ADCY6: variants seen among roughly 807,000 people sequenced by gnomAD.
ADCY6 encodes adenylate cyclase 6, also known as adenylate cyclase type 6.
In ADCY6, 59 loss-of-function variants were observed where a neutral mutation model predicts 111.6. The ratio of observed to expected loss-of-function variants is 0.53; its 90% CI spans 0.43 to 0.66. The LOEUF (loss-of-function observed/expected upper bound fraction) is 0.66, where lower values mean the gene tolerates loss of function less well. Among genes scored for constraint, ADCY6 ranks in the 30% least tolerant of loss-of-function variants. The probability of loss-of-function intolerance (pLI) is 0.00; values close to 1 mark genes in which losing one functional copy is unlikely to be tolerated. For synonymous variants in ADCY6, 576 were observed against 642.9 expected (o/e 0.90, Z 1.57); for missense variants, 1,242 against 1,595.6 (o/e 0.78, Z 3.78).
rs1026636064 is a variant in ADCY6, at chr12:48,779,721, G to A, written c.865-1464C>T. Among the ~76,000 whole-genome samples, 5 of 152,348 alleles carry A rather than the reference G, an allele frequency of 3.3e-5. No individual in the cohort carries two copies. In the South Asian group the frequency reaches 8.3e-4, roughly 25 times the overall value. ...ACCTGGAGCTTGCGGCTCCACCCCA[G>A]AGTTGGATGGGGCAGGGCTCTGGTT... On this transcript the variant is annotated intron_variant, in intron 2 of 21. Coordinates refer to ENST00000357869, the MANE Select transcript of ADCY6 (RefSeq NM_015270.5).
rs1281566095 is a variant in ADCY6 at position 48,782,668 on chromosome 12, C to T, written c.767G>A (p.Arg256His). ...GCCGCTGAGGACGGCAGCCCGCATG[C>T]GGATGGGGAGGAGCGTGTAGGCGAT... ...VYIAYTLLPIRMRAAVLSGLG... is the reference protein window; with the variant it reads ...VYIAYTLLPIHMRAAVLSGLG... The change falls in exon 2 of 22, where the codon CGC becomes CAC. Residue 256 changes from arginine to histidine, a missense_variant. Physicochemically the swap from Arg to His is conservative, Grantham distance 29 (BLOSUM62 0). This residue lies in a region of ADCY6 where 362 missense variants were observed against 377.2 expected (regional missense o/e 0.96). Transcript: ENST00000357869. The surrounding 1 kb of genome is among the most constrained non-coding windows in gnomAD (Gnocchi z 4.3). 4.4e-6 allele frequency: 7 copies of T among 1,598,350 alleles called. No homozygotes were observed. The highest frequency in any genetic ancestry group is 2.3e-5 in the East Asian group (1 of 44,336).
chr12:48,769,542 T>C (rs568025202), intron 20 of ADCY6, among the ~76,000 whole-genome samples: 1 of 151,712 alleles, frequency 6.6e-6, no homozygotes, highest in South Asian at 2.1e-4. Context: ...GCCTATTCCA[T>C]GTCAACCACT....
chr12:48,774,177 A>C, intron 14 of ADCY6, 79 bp from the exon 15 acceptor site: 1 of 1,385,878 alleles, frequency 7.2e-7, no homozygotes, highest in Non-Finnish European at 9.9e-7. Flanking sequence ...ATGTACCCTA[A>C]CCTGGGCTAT....
rs1941440451 is a variant in ADCY6, at chr12:48,768,704, G to A, written c.3394C>T (p.Leu1132=). 2 of 1,614,078 alleles carry A rather than the reference G, an allele frequency of 1.2e-6. No homozygotes were observed. The highest frequency in any genetic ancestry group is 1.3e-5 in the African/African-American group (1 of 75,048). Residue 1132 remains leucine (L), a synonymous_variant, in exon 22 of 22, where the codon CTG becomes TTG. Transcript: ENST00000357869. The stretch of plus-strand genomic sequence containing the variant: ...CCCTTGGCAGCTAGAACCTGGTACA[G>A]GTCCGTGGTCACCTGGGGGAGTGGG... The part of the protein sequence containing the change: ...VPDRIQVTTD[L]YQVLAAKGYQ...
chr12:48,768,857 T>G (rs533498417), intron 21 of ADCY6, 80 bp downstream of exon 21: 1 of 1,552,322 alleles, frequency 6.4e-7, no homozygotes, highest in Non-Finnish European at 8.7e-7. Flanking sequence ...ACCCTACCCC[T>G]GTCCTAGCAG....
rs1368961029 is a variant in ADCY6 at position 48,782,765 on chromosome 12, C to T, written c.670G>A (p.Val224Ile). 1.9e-6 allele frequency: 3 copies of T among 1,611,810 alleles called. No homozygotes were observed. Among genetic ancestry groups the T allele is most frequent in the Non-Finnish European group, 2.5e-6 (3 of 1,179,128 alleles). The change falls in exon 2 of 22, where the codon GTC (valine) becomes ATC (isoleucine). Residue 224 changes from valine (V) to isoleucine (I), a missense_variant. By Grantham distance (29) the Val-to-Ile change is conservative. Around this residue, in one of 4 missense-constraint regions of ADCY6, gnomAD observed 362 missense variants for 377.2 expected, o/e 0.96. Coordinates refer to ENST00000357869, the MANE Select transcript of ADCY6 (RefSeq NM_015270.5). The surrounding 1 kb of genome is among the most constrained non-coding windows in gnomAD (Gnocchi z 4.3). Reference sequence around the variant, plus strand: ...GGGTCTGCTGCGAGAGCGCCCCCGACCTGCACTGCCGCCAGGATGCCCAGC... The same window carrying T: ...GGGTCTGCTGCGAGAGCGCCCCCGATCTGCACTGCCGCCAGGATGCCCAGC... ...VVLGILAAVQ[V>I]GGALAADPRS...
At chr12:48,786,361 A>G (rs1017929173) in intron 1 of ADCY6, among the ~76,000 whole-genome samples, 1 of 151,744 alleles carries the variant, frequency 6.6e-6, no homozygotes, top group African/African-American at 2.4e-5. Context: ...ACGTCCTTCA[A>G]CCTCCTTTTG....
rs115315671 is a variant in ADCY6, at chr12:48,783,022, C to A, written c.413G>T (p.Arg138Leu). ...SKQFRSAKLE[R>L]LYQRYFFQMN... is the part of the protein sequence containing the mutation. ...CTGGAAGAAGTACCGCTGGTACAGG[C>A]GCTCCAGCTTGGCCGAACGGAACTG... The change falls in exon 2 of 22, where the codon CGC becomes CTC. Residue 138 changes from arginine to leucine, a missense_variant. By Grantham distance (102) the Arg-to-Leu change is moderately radical. Coordinates refer to ENST00000357869, the MANE Select transcript of ADCY6 (RefSeq NM_015270.5). 1.9e-6 allele frequency: 3 copies of A among 1,613,550 alleles called. No individual in the cohort carries two copies. The highest frequency in any genetic ancestry group is 2.5e-6 in the Non-Finnish European group (3 of 1,179,910).
intron 1 of ADCY6, among the ~76,000 whole-genome samples, chr12:48,784,665 G>GGTTTTTTT (rs1941942697): frequency 2.8e-5 from 2 of 72,294 alleles, no homozygotes; most frequent in Non-Finnish European, 5.0e-5. Flanking sequence ...AAAATCTGGA[G>GGTTTTTTT]TTTTTTTTTT....
intron 14 of ADCY6, 113 bp downstream of exon 14, chr12:48,774,289 G>T: frequency 1.7e-6 from 2 of 1,182,502 alleles, no homozygotes; most frequent in East Asian, 2.4e-5. Flanking sequence ...CCCCTATTCT[G>T]GGAGGGGGCT....
At position 48,767,592 on chromosome 12, in the gene ADCY6, G is replaced by A. The variant is rs1941409738; in HGVS notation, c.*999C>T. The A allele has an allele frequency of 1.3e-5, 2 of 152,692 alleles. No individual in the cohort carries two copies. Among genetic ancestry groups the A allele is most frequent in the Non-Finnish European group, 2.9e-5 (2 of 68,092 alleles). 9.5% of individuals were successfully genotyped at this position (152,692 alleles called of 1,614,324 possible). ...GCCCTCCCCAACACCAGAGACTTGG[G>A]AGGGCAGGTTTGGGATCAGGGTCAC... On this transcript the variant is annotated 3_prime_UTR_variant, in exon 22 of 22. Transcript: ENST00000357869.
At position 48,774,509 on chromosome 12, in the gene ADCY6, T is replaced by C. The variant is rs1306437180; in HGVS notation, c.2176A>G (p.Lys726Glu). ...CTGCGGGACAGACGTTGCAGGGCCT[T>C]AGGGAACAGCTAGAGGCATCAAGAG... ...AVYSCGSLFPKALQRLSRSIV... is the reference protein window; with the variant it reads ...AVYSCGSLFPEALQRLSRSIV... Residue 726 changes from lysine (K) to glutamate (E), a missense_variant, in exon 14 of 22, where the codon AAG becomes GAG. Physicochemically the swap from Lys to Glu is moderately conservative, Grantham distance 56 (BLOSUM62 1). This residue lies in a region of ADCY6 where 375 missense variants were observed against 432.5 expected (regional missense o/e 0.87). Coordinates refer to ENST00000357869, the MANE Select transcript of ADCY6 (RefSeq NM_015270.5). The C allele has an allele frequency of 1.2e-6, 2 of 1,613,698 alleles. No homozygotes were observed. The highest frequency in any genetic ancestry group is 2.7e-5 in the African/African-American group (2 of 74,830).
At chr12:48,778,965 G>A (rs528800455) in intron 2 of ADCY6, among the ~76,000 whole-genome samples, 45 of 122,224 alleles carry the variant, frequency 3.7e-4, no homozygotes, top group African/African-American at 1.3e-3. Context: ...TGCAACCTCC[G>A]CCTCCCAGTT....
In ADCY6 at chr12:48,776,025, G is replaced by A; in HGVS notation, c.1744C>T (p.Pro582Ser). ...AAGGCACGATCAGGAACCCAGCGCG[G>A]CATCAGCCCTTCCATGGAGTTGGCC... ...TRANSMEGLM[P>S]RWVPDRAFSR... is the part of the protein sequence containing the mutation. Residue 582 changes from proline to serine, a missense_variant, in exon 9 of 22, where the codon CCG becomes TCG. Physicochemically the swap from Pro to Ser is moderately conservative, Grantham distance 74. Transcript: ENST00000357869. The surrounding 1 kb of genome is among the most constrained non-coding windows in gnomAD (Gnocchi z 6.1). The A allele has an allele frequency of 6.2e-7, 1 of 1,612,792 alleles. No homozygotes were observed. The highest frequency in any genetic ancestry group is 1.7e-5 in the Admixed American group (1 of 59,866).
chr12:48,773,554 C>T lies in ADCY6; in HGVS notation c.2536G>A (p.Gly846Arg). The T allele has an allele frequency of 6.2e-7, 1 of 1,614,068 alleles. No homozygotes were observed. Among genetic ancestry groups the T allele is most frequent in the South Asian group, 1.1e-5 (1 of 91,078 alleles). ...IGKLAMIFVL[G>R]LIYLVLLLLG... Reference sequence around the variant, plus strand: ...AGAAGCAGCACCAAATAGATGAGCCCCAAGACAAAGATCATGGCCAACTTC... The same window carrying T: ...AGAAGCAGCACCAAATAGATGAGCCTCAAGACAAAGATCATGGCCAACTTC... Residue 846 changes from glycine to arginine, a missense_variant, in exon 16 of 22, where the codon GGG (glycine) becomes AGG (arginine). This residue lies in a region of ADCY6 where 375 missense variants were observed against 432.5 expected (regional missense o/e 0.87). Coordinates refer to ENST00000357869, the MANE Select transcript of ADCY6 (RefSeq NM_015270.5).
At chr12:48,769,767 T>G (rs1365810916) in intron 20 of ADCY6, among the ~76,000 whole-genome samples, 5 of 149,898 alleles carry the variant, frequency 3.3e-5, no homozygotes, top group African/African-American at 1.2e-4. Flanking sequence ...TTGTTTTTTT[T>G]TTTTTTTTGG....
At position 48,777,577 on chromosome 12, in the gene ADCY6, C is replaced by G. The variant is rs776413504; in HGVS notation, c.1136+38G>C. 1 of 1,612,798 alleles carries G rather than the reference C, an allele frequency of 6.2e-7. No homozygotes were observed. Among genetic ancestry groups the G allele is most frequent in the South Asian group, 1.1e-5 (1 of 91,046 alleles). On this transcript the variant is annotated intron_variant, in intron 4 of 21. Transcript: ENST00000357869. This position sits in a 1 kb window ranked among gnomAD's most constrained non-coding sequence, Gnocchi z 4.9. ...ACATAGCCCTCAAAGACTTCCAGACCCCCCGCCCTGCTGGGCATCCTCCTA... is the reference window on the plus strand; with the variant it reads ...ACATAGCCCTCAAAGACTTCCAGACGCCCCGCCCTGCTGGGCATCCTCCTA...
In ADCY6 at chr12:48,784,677, T is replaced by G. The variant is rs994394653; in HGVS notation, c.-4-1239A>C. Among the ~76,000 whole-genome samples, 17 of 140,610 alleles carry G rather than the reference T, an allele frequency of 1.2e-4. No homozygotes were observed. The South Asian group carries it at 3.7e-3, about 30-fold the overall frequency. The allele number at this position is 140,610 out of a possible 152,430, so 92.2% of individuals were successfully genotyped here. On this transcript the variant is annotated intron_variant, in intron 1 of 21. Coordinates refer to ENST00000357869, the MANE Select transcript of ADCY6 (RefSeq NM_015270.5). Reference sequence around the variant, plus strand: ...GAAAAAATCTGGAGTTTTTTTTTTTTTTTTTTTTTTTTTGAGACGGAGTCT... The same window carrying G: ...GAAAAAATCTGGAGTTTTTTTTTTTGTTTTTTTTTTTTTGAGACGGAGTCT...
chr12:48,777,658 T>A lies in ADCY6; in HGVS notation c.1093A>T (p.Met365Leu), dbSNP rs1469458837. ...TGTATGTAGATCTTGTGGAACATCA[T>A]GTCTTCTTTTTTTGTGTTGATGTCT... ...KEDINTKKED[M>L]MFHKIYIQKH... The change falls in exon 4 of 22, where the codon ATG becomes TTG. Residue 365 changes from methionine (M) to leucine (L), a missense_variant. Physicochemically the swap from Met to Leu is conservative, Grantham distance 15. Around this residue, in one of 4 missense-constraint regions of ADCY6, gnomAD observed 260 missense variants for 414.6 expected, o/e 0.63. Coordinates refer to ENST00000357869, the MANE Select transcript of ADCY6 (RefSeq NM_015270.5). This position sits in a 1 kb window ranked among gnomAD's most constrained non-coding sequence, Gnocchi z 4.9. The A allele has an allele frequency of 1.2e-6, 2 of 1,614,232 alleles. No homozygotes were observed. Among genetic ancestry groups the A allele is most frequent in the Non-Finnish European group, 1.7e-6 (2 of 1,180,048 alleles).
Sources: gnomAD v4.1 joint callset for allele counts (sites outside exome capture counted in the v4.1 genomes callset) on GRCh38, gnomAD v4.1.1 for gene constraint, gnomAD v4.1.1 regional missense constraint, Gnocchi (gnomAD v3.1) non-coding constraint, MANE v1.5 for transcripts, NCBI Gene and HGNC (gene_info 2026-07-23, HGNC 2026-07-21) for gene names.